Variants in ZNF345 observed in about 807,000 individuals in gnomAD.
ZNF345 encodes the protein zinc finger protein HZF10.
For missense variants in ZNF345, 527 were observed against 589.9 expected (o/e 0.89, Z 1.10); for synonymous variants, 166 against 187.9 (o/e 0.88, Z 0.95).
chr19:36,851,289 T>A (rs1188272503), intron 1 of ZNF345: 1 of 152,146 alleles, frequency 6.6e-6, no homozygotes, highest in Non-Finnish European at 1.5e-5. Flanking sequence ...GTGTGTAGTA[T>A]GCCTTAATTT....
intron 3 of ZNF345, among the ~76,000 whole-genome samples, chr19:36,887,290 A>G (rs2073007521): frequency 6.6e-6 from 1 of 152,224 alleles, no homozygotes; most frequent in African/African-American, 2.4e-5. Context: ...TCCTGCTTAG[A>G]ATGCTGGAAC....
intron 2 of ZNF345, among the ~76,000 whole-genome samples, chr19:36,873,234 C>T (rs1023770286): frequency 1.3e-5 from 2 of 151,820 alleles, no homozygotes; most frequent in African/African-American, 2.4e-5. Context: ...TGAGAATATA[C>T]GTTGTGACTT....
At chr19:36,856,550 G>T (rs1333356461) in intron 2 of ZNF345, among the ~76,000 whole-genome samples, 1 of 151,986 alleles carries the variant, frequency 6.6e-6, no homozygotes, top group African/African-American at 2.4e-5. Flanking sequence ...GATCAGATGT[G>T]TCACTTCTTA....
At chr19:36,863,554 T>C (rs1188350674) in intron 2 of ZNF345, among the ~76,000 whole-genome samples, 1 of 152,198 alleles carries the variant, frequency 6.6e-6, no homozygotes, top group Non-Finnish European at 1.5e-5. Flanking sequence ...TTCTTTCACA[T>C]GAAAAATGTG....
At chr19:36,861,910 G>A (rs1346460449) in intron 2 of ZNF345, among the ~76,000 whole-genome samples, 1 of 143,094 alleles carries the variant, frequency 7.0e-6, no homozygotes, top group East Asian at 2.1e-4. Context: ...CACCCAGGCT[G>A]CAGTGCAGTG....
chr19:36,853,267 A>ATTTTTT (rs2072329337), intron 2 of ZNF345, among the ~76,000 whole-genome samples: 3 of 62,318 alleles, frequency 4.8e-5, no homozygotes, highest in Admixed American at 2.0e-4. Flanking sequence ...TTTTTTTTTG[A>ATTTTTT]CTCGAAGTTT....
intron 2 of ZNF345, among the ~76,000 whole-genome samples, chr19:36,869,923 G>A (rs2072740000): frequency 6.6e-6 from 1 of 151,998 alleles, no homozygotes; most frequent in Admixed American, 6.6e-5. Flanking sequence ...CACCACGCCT[G>A]GTGTGCCACC....
chr19:36,891,654 T>C (rs578174327), intron 3 of ZNF345: 1 of 1,612,366 alleles, frequency 6.2e-7, no homozygotes, highest in East Asian at 2.2e-5. Context: ...TACATTCATA[T>C]GGTTTTTCAT....
chr19:36,883,856 C>T (rs1220874175), downstream of ZNF345, among the ~76,000 whole-genome samples: 2 of 152,124 alleles, frequency 1.3e-5, no homozygotes, highest in African/African-American at 4.8e-5. Flanking sequence ...ATGGGAATTG[C>T]ACTGAGTTAG....
At chr19:36,858,722 C>T (rs2072478809) in intron 2 of ZNF345, among the ~76,000 whole-genome samples, 1 of 152,078 alleles carries the variant, frequency 6.6e-6, no homozygotes, top group Non-Finnish European at 1.5e-5. Flanking sequence ...GCCAAGATTG[C>T]ACCACTGCAC....
chr19:36,854,859 CTTTT>C (rs34921305), intron 2 of ZNF345, among the ~76,000 whole-genome samples: 1 of 138,510 alleles, frequency 7.2e-6, no homozygotes, highest in Non-Finnish European at 1.6e-5. Flanking sequence ...CTTTTCTTTT[CTTTT>C]TTTTTTTTTG....
At chr19:36,868,159 C>T (rs1249119946) in intron 2 of ZNF345, among the ~76,000 whole-genome samples, 8 of 152,002 alleles carry the variant, frequency 5.3e-5, no homozygotes, top group Admixed American at 1.3e-4. Context: ...CGTGCCACCA[C>T]GCCCAGCTAA....
chr19:36,877,398 A>T lies in ZNF345; in HGVS notation c.568A>T (p.Ile190Phe). 6.2e-7 allele frequency: 1 copy of T among 1,614,090 alleles called. No individual in the cohort carries two copies. The highest frequency in any genetic ancestry group is 8.5e-7 in the Non-Finnish European group (1 of 1,180,004). ...GKSFSFESAL[I>F]RHHRIHTGEK... ...GTCCTTTAGTTTTGAATCAGCCCTT[A>T]TTCGGCATCACAGAATTCACACAGG... Residue 190 changes from isoleucine (I) to phenylalanine (F), a missense_variant, in exon 3 of 3, where the codon ATT becomes TTT. Coordinates refer to ENST00000420450, the MANE Select transcript of ZNF345 (RefSeq NM_001242472.2).
At chr19:36,892,129 A>C in intron 3 of ZNF345, 1 of 1,614,066 alleles carries the variant, frequency 6.2e-7, no homozygotes, top group Non-Finnish European at 8.5e-7. Flanking sequence ...ACTACAACTA[A>C]AAGCCTTGCC....
At chr19:36,882,051 G>GTTGT (rs1555724604), downstream of ZNF345, among the ~76,000 whole-genome samples, 40 of 134,666 alleles carry the variant, frequency 3.0e-4, no homozygotes, top group Middle Eastern at 4.1e-3. Flanking sequence ...CATTTTACTT[G>GTTGT]TTTTTTTTTT....
chr19:36,852,435 A>G (rs1377661966), intron 2 of ZNF345, among the ~76,000 whole-genome samples: 2 of 151,318 alleles, frequency 1.3e-5, no homozygotes, highest in African/African-American at 4.8e-5. Context: ...ACATGAGGAA[A>G]CCCCGTCTCT....
intron 3 of ZNF345, among the ~76,000 whole-genome samples, chr19:36,885,958 A>C (rs1446546036): frequency 6.6e-6 from 1 of 152,088 alleles, no homozygotes; most frequent in Non-Finnish European, 1.5e-5. Context: ...TGGTTATGTT[A>C]CTTAGATGTT....
chr19:36,877,395 C>G lies in ZNF345; in HGVS notation c.565C>G (p.Leu189Val). Reference sequence around the variant, plus strand: ...GAAGTCCTTTAGTTTTGAATCAGCCCTTATTCGGCATCACAGAATTCACAC... The same window carrying G: ...GAAGTCCTTTAGTTTTGAATCAGCCGTTATTCGGCATCACAGAATTCACAC... ...CGKSFSFESA[L>V]IRHHRIHTGE... Residue 189 changes from leucine (L) to valine (V), a missense_variant, in exon 3 of 3, where the codon CTT becomes GTT. Leu to Val is a conservative substitution (Grantham distance 32). Transcript: ENST00000420450. 6.2e-7 allele frequency: 1 copy of G among 1,613,982 alleles called. No individual in the cohort carries two copies. Among genetic ancestry groups the G allele is most frequent in the Non-Finnish European group, 8.5e-7 (1 of 1,179,980 alleles).
intron 2 of ZNF345, among the ~76,000 whole-genome samples, chr19:36,857,574 G>T (rs1382731424): frequency 6.6e-6 from 1 of 152,192 alleles, no homozygotes; most frequent in African/African-American, 2.4e-5. Context: ...CTCCCAAAGT[G>T]CTGGGATTAC....
Sources: allele counts gnomAD v4.1 joint callset (sites outside exome capture counted in the v4.1 genomes callset), GRCh38; gene constraint gnomAD v4.1.1; transcripts MANE v1.5; gene names NCBI Gene and HGNC (gene_info 2026-07-23, HGNC 2026-07-21).